Variants in B3GALT1 observed in about 807,000 individuals in gnomAD.
B3GALT1 encodes UDP-Gal:betaGlcNAc beta 1,3-galactosyltransferase, polypeptide 1.
A neutral mutation model predicts 23.2 loss-of-function variants in B3GALT1; 10 were observed. That is an observed-to-expected ratio of 0.43 (90% CI 0.27 to 0.73). B3GALT1 has a LOEUF of 0.73. B3GALT1 is among the 30% of genes least tolerant of loss of function. The pLI is 0.21. For synonymous variants in B3GALT1, 156 were observed against 141.5 expected (o/e 1.10, Z -0.73); for missense variants, 299 against 405.4 (o/e 0.74, Z 2.25).
chr2:167,731,109 A>T (rs547144354), intron 3 of B3GALT1, among the ~76,000 whole-genome samples: 1 of 152,284 alleles, frequency 6.6e-6, no homozygotes, highest in South Asian at 2.1e-4. Flanking sequence ...AACCATAAGG[A>T]TTTAGAGTTC....
At chr2:167,815,586 A>ACTGT (rs543868320) in intron 3 of B3GALT1, among the ~76,000 whole-genome samples, 49 of 152,316 alleles carry the variant, frequency 3.2e-4, no homozygotes, top group Non-Finnish European at 6.6e-4. Context: ...AAATATTATT[A>ACTGT]CTGTCTTGTT....
At chr2:167,415,954 G>A (rs989145992) in intron 1 of B3GALT1, among the ~76,000 whole-genome samples, 2 of 151,716 alleles carry the variant, frequency 1.3e-5, no homozygotes, top group Admixed American at 1.3e-4. Context: ...TAAGCTGTGA[G>A]TTTAAAAAAA....
intron 1 of B3GALT1, among the ~76,000 whole-genome samples, chr2:167,309,802 A>C (rs946978178): frequency 2.0e-5 from 3 of 152,100 alleles, no homozygotes; most frequent in Non-Finnish European, 4.4e-5. Context: ...GTATTCAACA[A>C]TGTGGAAAAA....
At chr2:167,584,268 G>A (rs1684544819) in intron 2 of B3GALT1, among the ~76,000 whole-genome samples, 1 of 152,108 alleles carries the variant, frequency 6.6e-6, no homozygotes, top group Admixed American at 6.5e-5. Context: ...GTGTTAAGGG[G>A]CCAAGATTTC....
intron 2 of B3GALT1, among the ~76,000 whole-genome samples, chr2:167,531,247 GGCATAAATCTCA>G (rs1277438062): frequency 6.6e-6 from 1 of 152,086 alleles, no homozygotes; most frequent in African/African-American, 2.4e-5. Flanking sequence ...TCTGGTGATG[GGCATAAATCTCA>G]GCATAAATCT....
At chr2:167,625,347 G>A (rs56903556) in intron 2 of B3GALT1, among the ~76,000 whole-genome samples, 5,702 of 151,944 alleles carry the variant, frequency 0.038, 371 homozygotes, top group African/African-American at 0.13. Flanking sequence ...CACCAGTTCA[G>A]TACTTTGATA....
At chr2:167,825,744 C>T (rs1319311362) in intron 4 of B3GALT1, among the ~76,000 whole-genome samples, 1 of 152,104 alleles carries the variant, frequency 6.6e-6, no homozygotes, top group East Asian at 1.9e-4. Context: ...TGCATCTGCC[C>T]CTCTGACTTT....
intron 3 of B3GALT1, among the ~76,000 whole-genome samples, chr2:167,661,394 A>G (rs1686058042): frequency 6.6e-6 from 1 of 152,040 alleles, no homozygotes; most frequent in Non-Finnish European, 1.5e-5. Context: ...CAAGAAAACC[A>G]GTCTTTAGAG....
chr2:167,699,637 A>G (rs1686846298), intron 3 of B3GALT1, among the ~76,000 whole-genome samples: 1 of 152,174 alleles, frequency 6.6e-6, no homozygotes, highest in Non-Finnish European at 1.5e-5. Context: ...ATAGCATCTC[A>G]GTCATCAATA....
intron 2 of B3GALT1, among the ~76,000 whole-genome samples, chr2:167,528,870 A>T (rs569676892): frequency 6.6e-6 from 1 of 152,214 alleles, no homozygotes; most frequent in South Asian, 2.1e-4. Context: ...CCTGTTTCCC[A>T]GCTTTGTACC....
At chr2:167,662,027 C>A (rs1358124653) in intron 3 of B3GALT1, among the ~76,000 whole-genome samples, 1 of 150,536 alleles carries the variant, frequency 6.6e-6, no homozygotes, top group Non-Finnish European at 1.5e-5. Context: ...AATCTACTTT[C>A]TTTATTTTTG....
At chr2:167,846,122 A>C (rs907034312) in intron 4 of B3GALT1, among the ~76,000 whole-genome samples, 1 of 152,132 alleles carries the variant, frequency 6.6e-6, no homozygotes, top group Non-Finnish European at 1.5e-5. Context: ...GACCAAACCT[A>C]AGAATAATCC....
intron 1 of B3GALT1, among the ~76,000 whole-genome samples, chr2:167,488,583 CTGTT>C (rs993849389): frequency 9.9e-5 from 15 of 152,176 alleles, no homozygotes; most frequent in Non-Finnish European, 1.6e-4. Flanking sequence ...TATTGTTTGT[CTGTT>C]TGTTTTTTAA....
At chr2:167,643,895 G>C (rs1409127898) in intron 2 of B3GALT1, among the ~76,000 whole-genome samples, 2 of 152,186 alleles carry the variant, frequency 1.3e-5, no homozygotes, top group African/African-American at 4.8e-5. Flanking sequence ...TTTTTGCCAA[G>C]TGAACCAGAG....
intron 1 of B3GALT1, among the ~76,000 whole-genome samples, chr2:167,489,653 A>G (rs1287180381): frequency 6.6e-6 from 1 of 152,110 alleles, no homozygotes; most frequent in Non-Finnish European, 1.5e-5. Context: ...TATAGACTTG[A>G]TGGGGTACTT....
At chr2:167,717,510 T>G (rs1574228736) in intron 3 of B3GALT1, among the ~76,000 whole-genome samples, 1 of 152,172 alleles carries the variant, frequency 6.6e-6, no homozygotes, top group Non-Finnish European at 1.5e-5. Context: ...TTCAACTTAC[T>G]TATTAAAAGT....
At chr2:167,531,200 G>A (rs962314926) in intron 2 of B3GALT1, among the ~76,000 whole-genome samples, 5 of 152,090 alleles carry the variant, frequency 3.3e-5, no homozygotes, top group Admixed American at 2.0e-4. Flanking sequence ...TCATCTCAGT[G>A]ACATGTGATG....
At chr2:167,574,034 T>A (rs1455265176) in intron 2 of B3GALT1, among the ~76,000 whole-genome samples, 1 of 151,736 alleles carries the variant, frequency 6.6e-6, no homozygotes, top group Non-Finnish European at 1.5e-5. Context: ...AAACTTCAGT[T>A]TGCTTCCAGA....
intron 3 of B3GALT1, among the ~76,000 whole-genome samples, chr2:167,808,956 CAT>C (rs1688820658): frequency 6.6e-6 from 1 of 152,166 alleles, no homozygotes; most frequent in African/African-American, 2.4e-5. Flanking sequence ...CACATAGTCC[CAT>C]ATTTCTTGGA....
Sources: gnomAD v4.1 joint callset for allele counts (sites outside exome capture counted in the v4.1 genomes callset) on GRCh38, gnomAD v4.1.1 for gene constraint, MANE v1.5 for transcripts, NCBI Gene and HGNC (gene_info 2026-07-23, HGNC 2026-07-21) for gene names.